KSR2: variants seen among roughly 807,000 people sequenced by gnomAD.
The protein encoded by KSR2 is kinase suppressor of ras 2.
KSR2 carries 25 observed loss-of-function variants against 107.8 expected under a neutral mutation model. That is an observed-to-expected ratio of 0.23 (90% confidence interval 0.17 to 0.32). The LOEUF is 0.32. Among genes scored for constraint, KSR2 ranks in the 10% least tolerant of loss-of-function variants. The pLI, the probability that KSR2 is intolerant of heterozygous loss-of-function variation, is 1.00. For missense variants in KSR2, 887 were observed against 1,268.9 expected (o/e 0.70, Z 4.57); for synonymous variants, 480 against 507.0 (o/e 0.95, Z 0.71).
At position 117,860,435 on chromosome 12, in the gene KSR2, T is replaced by C. The variant is rs79029641; in HGVS notation, c.181-4A>G. The C allele has an allele frequency of 1.2e-6, 2 of 1,605,140 alleles. No individual in the cohort carries two copies. Among genetic ancestry groups the C allele is most frequent in the South Asian group, 2.2e-5 (2 of 90,004 alleles). On this transcript the variant is annotated splice_polypyrimidine_tract_variant and splice_region_variant and intron_variant, in intron 1 of 19. Coordinates refer to ENST00000339824, the MANE Select transcript of KSR2 (RefSeq NM_173598.6). Reference sequence around the variant, plus strand: ...TGAAGTACTTCACCAGCTTGCTCTGTGGAGACACAGACGAGGACAGAGGAC... The same window carrying C: ...TGAAGTACTTCACCAGCTTGCTCTGCGGAGACACAGACGAGGACAGAGGAC...
chr12:117,813,157 G>A (rs1891259624), intron 3 of KSR2, among the ~76,000 whole-genome samples: 1 of 152,100 alleles, frequency 6.6e-6, no homozygotes, highest in Admixed American at 6.6e-5. Flanking sequence ...GGATCTAAAT[G>A]TAAGACTTTA....
At chr12:117,915,454 C>A (rs572602863) in intron 1 of KSR2, among the ~76,000 whole-genome samples, 1 of 152,220 alleles carries the variant, frequency 6.6e-6, no homozygotes, top group African/African-American at 2.4e-5. Flanking sequence ...AACATTCAGT[C>A]CATTACACTT....
At chr12:117,503,434 G>C (rs995957747) in intron 14 of KSR2, among the ~76,000 whole-genome samples, 20 of 152,082 alleles carry the variant, frequency 1.3e-4, no homozygotes, top group African/African-American at 4.8e-4. Context: ...GTTTTTATTG[G>C]CCTGGTTGGG....
At chr12:117,848,048 G>T (rs920096585) in intron 3 of KSR2, among the ~76,000 whole-genome samples, 1 of 152,132 alleles carries the variant, frequency 6.6e-6, no homozygotes, top group East Asian at 1.9e-4. Context: ...AAGCATATTC[G>T]TTTTAAAAAA....
intron 3 of KSR2, among the ~76,000 whole-genome samples, chr12:117,822,646 C>T (rs935406723): frequency 2.0e-5 from 3 of 151,962 alleles, no homozygotes; most frequent in African/African-American, 7.3e-5. Flanking sequence ...TGTATTCCTA[C>T]AATAAAGTAA....
chr12:117,713,545 G>T (rs1339871837), intron 4 of KSR2, among the ~76,000 whole-genome samples: 1 of 152,158 alleles, frequency 6.6e-6, no homozygotes, highest in Non-Finnish European at 1.5e-5. Flanking sequence ...GGAGGGAATG[G>T]GGGCTTTCAC....
At chr12:117,728,751 T>A (rs1302195550) in intron 4 of KSR2, among the ~76,000 whole-genome samples, 2 of 152,162 alleles carry the variant, frequency 1.3e-5, no homozygotes, top group East Asian at 3.9e-4. Flanking sequence ...ACTCACAGGG[T>A]CTCAGTAGGG....
chr12:117,674,661 T>C (rs997541231), intron 4 of KSR2, among the ~76,000 whole-genome samples: 1 of 152,234 alleles, frequency 6.6e-6, no homozygotes, highest in Non-Finnish European at 1.5e-5. Flanking sequence ...GGGTCATCCA[T>C]GTTCTAGCAT....
At chr12:117,615,631 A>G (rs1881836217) in intron 5 of KSR2, among the ~76,000 whole-genome samples, 1 of 152,150 alleles carries the variant, frequency 6.6e-6, no homozygotes, top group African/African-American at 2.4e-5. Flanking sequence ...TCTCCTGCCA[A>G]AAGCCAGCAC....
intron 1 of KSR2, among the ~76,000 whole-genome samples, chr12:117,949,469 A>G (rs2137563590): frequency 6.6e-6 from 1 of 152,342 alleles, no homozygotes; most frequent in Non-Finnish European, 1.5e-5. Flanking sequence ...AAAAAGACAA[A>G]GCTATGGTAA....
At chr12:117,716,421 G>A (rs777787095) in intron 4 of KSR2, among the ~76,000 whole-genome samples, 1 of 152,128 alleles carries the variant, frequency 6.6e-6, no homozygotes, top group African/African-American at 2.4e-5. Flanking sequence ...GAATTGAGAT[G>A]TACTCTAAGT....
At chr12:117,911,873 G>A (rs1327842834) in intron 1 of KSR2, among the ~76,000 whole-genome samples, 2 of 152,314 alleles carry the variant, frequency 1.3e-5, no homozygotes, top group Admixed American at 1.3e-4. Context: ...AAGAAGCCAA[G>A]GCTTATGCGT....
chr12:117,848,601 T>A (rs1451409137), intron 3 of KSR2, among the ~76,000 whole-genome samples: 2 of 152,016 alleles, frequency 1.3e-5, no homozygotes, highest in Non-Finnish European at 2.9e-5. Flanking sequence ...AGACCGTGGC[T>A]CAGAGGGAAG....
intron 3 of KSR2, among the ~76,000 whole-genome samples, chr12:117,837,268 C>T (rs1892258300): frequency 6.6e-6 from 1 of 152,180 alleles, no homozygotes; most frequent in Non-Finnish European, 1.5e-5. Context: ...GTCAAGCCCT[C>T]CTCCTCTCTC....
At chr12:117,574,394 A>G (rs549553454) in intron 7 of KSR2, among the ~76,000 whole-genome samples, 204 of 152,280 alleles carry the variant, frequency 1.3e-3, no homozygotes, top group Non-Finnish European at 2.5e-3. Context: ...GACATCCCTG[A>G]GACTGGGTAA....
intron 4 of KSR2, among the ~76,000 whole-genome samples, chr12:117,742,532 G>GTGGATGGATGGGTGGA (rs1555234087): frequency 1.3e-5 from 2 of 149,462 alleles, no homozygotes; most frequent in Non-Finnish European, 3.0e-5. Context: ...GGATGGATGG[G>GTGGATGGATGGGTGGA]TGGATGGATG....
intron 4 of KSR2, among the ~76,000 whole-genome samples, chr12:117,694,845 CT>C (rs34228762): frequency 8.1e-5 from 8 of 99,104 alleles, no homozygotes; most frequent in Non-Finnish European, 1.4e-4. Flanking sequence ...TTGTATGATT[CT>C]TTTTTTTTTT....
intron 3 of KSR2, among the ~76,000 whole-genome samples, chr12:117,833,564 T>G (rs1252823351): frequency 6.6e-6 from 1 of 152,180 alleles, no homozygotes; most frequent in Non-Finnish European, 1.5e-5. Flanking sequence ...GGTCTTGCTA[T>G]GTTGCCCAGG....
chr12:117,768,810 T>A (rs773828726), intron 3 of KSR2, among the ~76,000 whole-genome samples: 8 of 152,172 alleles, frequency 5.3e-5, no homozygotes, highest in Non-Finnish European at 1.0e-4. Flanking sequence ...TGGGTGGAAT[T>A]TACTCTGTCT....
Sources: gnomAD v4.1 joint callset for allele counts (sites outside exome capture counted in the v4.1 genomes callset) on GRCh38, gnomAD v4.1.1 for gene constraint, MANE v1.5 for transcripts, NCBI Gene and HGNC (gene_info 2026-07-23, HGNC 2026-07-21) for gene names.